ABI2: variants seen among roughly 807,000 people sequenced by gnomAD.
The protein encoded by ABI2 is abl interactor 2.
Under a neutral mutation model 59.2 loss-of-function variants are expected in ABI2, and 25 were observed. The ratio of observed to expected loss-of-function variants is 0.42; its 90% CI spans 0.31 to 0.59. The LOEUF is 0.59. ABI2 is among the 20% of genes least tolerant of loss of function. The pLI is 0.14. For synonymous variants in ABI2, 213 were observed against 235.5 expected (o/e 0.90, Z 0.87); for missense variants, 545 against 681.8 (o/e 0.80, Z 2.23).
intron 10 of ABI2, among the ~76,000 whole-genome samples, chr2:203,416,401 T>C (rs2097895880): frequency 6.6e-6 from 1 of 152,110 alleles, no homozygotes; most frequent in African/African-American, 2.4e-5. Flanking sequence ...GTTCCAGCGA[T>C]TCTTGTGCCT....
At chr2:203,345,081 G>C (rs1248968812) in intron 1 of ABI2, among the ~76,000 whole-genome samples, 1 of 152,164 alleles carries the variant, frequency 6.6e-6, no homozygotes, top group East Asian at 1.9e-4. Flanking sequence ...TGCTGTGGAA[G>C]CTTTCTTCTT....
chr2:203,407,916 C>T (rs148396629), intron 9 of ABI2, among the ~76,000 whole-genome samples: 2 of 152,302 alleles, frequency 1.3e-5, no homozygotes, highest in Non-Finnish European at 1.5e-5. Context: ...TATTCTGGCT[C>T]ACAGACGTTC....
At chr2:203,338,354 G>A (rs1360103427) in intron 1 of ABI2, among the ~76,000 whole-genome samples, 2 of 152,054 alleles carry the variant, frequency 1.3e-5, no homozygotes, top group Non-Finnish European at 2.9e-5. Flanking sequence ...TTGTTGAAAT[G>A]TGATTCCCAG....
chr2:203,351,908 A>G (rs2088871777), intron 1 of ABI2, among the ~76,000 whole-genome samples: 1 of 152,218 alleles, frequency 6.6e-6, no homozygotes, highest in Non-Finnish European at 1.5e-5. Flanking sequence ...GACAGCATAT[A>G]TGATGGTGGT....
At position 203,355,181 on chromosome 2, in the gene ABI2, C is replaced by G. The variant is rs574939816; in HGVS notation, c.118-11696C>G. The G allele has an allele frequency of 1.3e-3, 531 of 411,766 alleles. 10 individuals are homozygous for G. The highest frequency in any genetic ancestry group is 8.9e-3 in the South Asian group (505 of 56,572). The allele number at this position is 411,766 out of a possible 1,614,324, so 25.5% of individuals were successfully genotyped here. A position where few individuals can be genotyped will look rare whatever the true frequency, so the allele number is the denominator to read the frequency against. On this transcript the variant is annotated intron_variant, in intron 1 of 11. Transcript: ENST00000261018. ...TTTCCGTTTTGACAGTGCATATCCT[C>G]TGGTGCTTCCTGACAAAGAATACAT... is the stretch of plus-strand genomic sequence containing the variant.
chr2:203,353,733 A>G (rs1266589780), intron 1 of ABI2, among the ~76,000 whole-genome samples: 1 of 152,058 alleles, frequency 6.6e-6, no homozygotes, highest in Non-Finnish European at 1.5e-5. Flanking sequence ...TTTTACCTCA[A>G]GTGGTCTGTC....
At chr2:203,395,448 T>TATATATATATAC (rs750379504) in intron 6 of ABI2, among the ~76,000 whole-genome samples, 10,803 of 114,982 alleles carry the variant, frequency 0.094, 657 homozygotes, top group Middle Eastern at 0.19. Flanking sequence ...TATATATATA[T>TATATATATATAC]ACACACACAC....
chr2:203,414,225 G>A (rs927193496), intron 10 of ABI2, among the ~76,000 whole-genome samples: 1 of 150,560 alleles, frequency 6.6e-6, no homozygotes, highest in Non-Finnish European at 1.5e-5. Context: ...CCTCAGCCTC[G>A]TGAGCAGCTG....
intron 2 of ABI2, among the ~76,000 whole-genome samples, chr2:203,368,260 A>T (rs1043284984): frequency 2.6e-5 from 4 of 152,304 alleles, no homozygotes; most frequent in Admixed American, 6.5e-5. Context: ...AATGCAATTT[A>T]AAAAATATAA....
chr2:203,427,557 G>A lies in ABI2; in HGVS notation c.*205G>A, dbSNP rs1298232061. The A allele has an allele frequency of 2.0e-6, 1 of 501,930 alleles. No individual in the cohort carries two copies. The highest frequency in any genetic ancestry group is 1.9e-5 in the African/African-American group (1 of 52,788). The allele number at this position is 501,930 out of a possible 1,614,324, so 31.1% of individuals were successfully genotyped here. On this transcript the variant is annotated 3_prime_UTR_variant, in exon 12 of 12. Coordinates refer to ENST00000261018, the MANE Select transcript of ABI2 (RefSeq NM_001375670.1). ...ATCTTTCTGCCATCATTTGTACAAT[G>A]CTGAGCTGTCTGGATTGAAATAAAA...
chr2:203,353,089 G>A (rs1162808356), intron 1 of ABI2, among the ~76,000 whole-genome samples: 2 of 152,158 alleles, frequency 1.3e-5, no homozygotes, highest in African/African-American at 4.8e-5. Flanking sequence ...GTCTAATGAC[G>A]CATTTCTCAG....
intron 11 of ABI2, among the ~76,000 whole-genome samples, chr2:203,426,798 A>C (rs936174903): frequency 6.6e-5 from 10 of 151,826 alleles, no homozygotes; most frequent in East Asian, 1.9e-4. Flanking sequence ...AAAAAAAAAA[A>C]AAAAAACCAC....
intron 1 of ABI2, among the ~76,000 whole-genome samples, chr2:203,332,113 T>A (rs990030054): frequency 1.3e-5 from 2 of 151,826 alleles, no homozygotes; most frequent in Admixed American, 1.3e-4. Context: ...CCTGGCCCCC[T>A]AAGAGTCATT....
In ABI2 at chr2:203,328,504, A is replaced by C; in HGVS notation, c.-11A>C. The C allele has an allele frequency of 6.3e-7, 1 of 1,596,496 alleles. No homozygotes were observed. Among genetic ancestry groups the C allele is most frequent in the South Asian group, 1.1e-5 (1 of 88,740 alleles). ...GACCTGTATGAGGAGGAGGAGGAGG[A>C]GGATGTGAAGATGGCGGAGCTGCAG... On this transcript the variant is annotated 5_prime_UTR_variant, in exon 1 of 12. Coordinates refer to ENST00000261018, the MANE Select transcript of ABI2 (RefSeq NM_001375670.1).
intron 2 of ABI2, among the ~76,000 whole-genome samples, chr2:203,379,122 TTACTCGTATGTC>T (rs2095923330): frequency 6.6e-6 from 1 of 152,208 alleles, no homozygotes; most frequent in Non-Finnish European, 1.5e-5. Context: ...CAATACATTC[TTACTCGTATGTC>T]TTATGTGAGC....
At chr2:203,407,201 A>G (rs1400221634) in intron 9 of ABI2, among the ~76,000 whole-genome samples, 1 of 152,196 alleles carries the variant, frequency 6.6e-6, no homozygotes, top group African/African-American at 2.4e-5. Flanking sequence ...CTGGGATTAC[A>G]GGTGTGAGCC....
intron 1 of ABI2, among the ~76,000 whole-genome samples, chr2:203,346,524 T>C (rs2083675494): frequency 1.3e-5 from 2 of 152,256 alleles, no homozygotes; most frequent in South Asian, 4.1e-4. Context: ...TATCCATTAC[T>C]GGAGTTGCAC....
chr2:203,398,645 C>T (rs571808249), intron 8 of ABI2, among the ~76,000 whole-genome samples: 1 of 152,320 alleles, frequency 6.6e-6, no homozygotes, highest in South Asian at 2.1e-4. Context: ...ATTGCCACCA[C>T]AATCAAGTTA....
intron 1 of ABI2, among the ~76,000 whole-genome samples, chr2:203,335,699 C>G (rs1459020099): frequency 6.6e-6 from 1 of 152,078 alleles, no homozygotes; most frequent in Non-Finnish European, 1.5e-5. Context: ...ATGCAAGGAA[C>G]ATAGTTTTGC....
Sources: gnomAD v4.1 joint callset for allele counts (sites outside exome capture counted in the v4.1 genomes callset) on GRCh38, gnomAD v4.1.1 for gene constraint, MANE v1.5 for transcripts, NCBI Gene and HGNC (gene_info 2026-07-23, HGNC 2026-07-21) for gene names.